The following KLRG2 variants were observed in gnomAD, a reference collection of about 807,000 sequenced individuals.
KLRG2 encodes killer cell lectin-like receptor subfamily G member 2.
A neutral mutation model predicts 35.4 loss-of-function variants in KLRG2; 39 were observed. That is an observed-to-expected ratio of 1.10 (90% CI 0.85 to 1.44). The LOEUF is 1.44. Among genes scored for constraint, KLRG2 ranks in the 40% most tolerant of loss-of-function variants. The probability of loss-of-function intolerance (pLI) is 0.00; values close to 1 mark genes in which losing one functional copy is unlikely to be tolerated. For synonymous variants in KLRG2, 283 were observed against 265.8 expected (o/e 1.06, Z -0.63); for missense variants, 632 against 570.9 (o/e 1.11, Z -1.09).
intron 3 of KLRG2, among the ~76,000 whole-genome samples, chr7:139,471,015 GT>G (rs879491146): frequency 5.0e-4 from 69 of 138,954 alleles, no homozygotes; most frequent in Admixed American, 7.2e-4. Context: ...GATAATTTTT[GT>G]TTTTTTTTTT....
chr7:139,466,175 C>A lies in KLRG2; in HGVS notation c.1006-11961G>T, dbSNP rs1357333471. On this transcript the variant is annotated intron_variant, in intron 3 of 4. Coordinates refer to ENST00000340940, the MANE Select transcript of KLRG2 (RefSeq NM_198508.4). The stretch of plus-strand genomic sequence containing the variant: ...CCTACACATCAAGCTCGGGGATTTG[C>A]CCCCTGCCCAGGACTGGCAAATTGA... 2.0e-5 allele frequency among the ~76,000 whole-genome samples: 3 copies of A among 152,290 alleles called. No homozygotes were observed. In the East Asian group the frequency reaches 5.8e-4, roughly 29 times the overall value.
chr7:139,453,356 T>C lies in KLRG2; in HGVS notation c.*231A>G, dbSNP rs1796402204. On this transcript the variant is annotated 3_prime_UTR_variant, in exon 5 of 5. Coordinates refer to ENST00000340940, the MANE Select transcript of KLRG2 (RefSeq NM_198508.4). ...CATCAAACCGATCATCCACAGAAGCTGGAGACTAATATTGGCACTCAGGCC... is the reference window on the plus strand; with the variant it reads ...CATCAAACCGATCATCCACAGAAGCCGGAGACTAATATTGGCACTCAGGCC... 1.8e-6 allele frequency: 1 copy of C among 541,328 alleles called. No individual in the cohort carries two copies. Among genetic ancestry groups the C allele is most frequent in the Admixed American group, 3.7e-5 (1 of 27,112 alleles). The allele number at this position is 541,328 out of a possible 1,614,324, so 33.5% of individuals were successfully genotyped here.
At chr7:139,432,526 TG>T in the KLRG2 span, among the ~76,000 whole-genome samples, 154 of 147,438 alleles carry the variant, frequency 1.0e-3, no homozygotes, top group African/African-American at 3.8e-3. Context: ...TCGGTATCTA[TG>T]GGGGATTGAT....
At chr7:139,443,416 G>A in the KLRG2 span, among the ~76,000 whole-genome samples, 4 of 152,090 alleles carry the variant, frequency 2.6e-5, no homozygotes, top group East Asian at 1.9e-4. Context: ...ATAAAATAAG[G>A]CAAGAGGGCT....
At chr7:139,474,287 A>G (rs898917167) in intron 3 of KLRG2, among the ~76,000 whole-genome samples, 1 of 152,036 alleles carries the variant, frequency 6.6e-6, no homozygotes, top group Non-Finnish European at 1.5e-5. Context: ...TGGCCTCCCA[A>G]TGTGCTGGGA....
the KLRG2 span, among the ~76,000 whole-genome samples, chr7:139,435,763 A>C: frequency 1.3e-5 from 2 of 152,222 alleles, no homozygotes; most frequent in South Asian, 4.1e-4. Flanking sequence ...TGCTGTGTGC[A>C]TCAGCACATC....
At chr7:139,473,290 A>T (rs1796791977) in intron 3 of KLRG2, among the ~76,000 whole-genome samples, 1 of 152,170 alleles carries the variant, frequency 6.6e-6, no homozygotes, top group Admixed American at 6.6e-5. Context: ...AAAATAAAAT[A>T]AAATAAAGAT....
chr7:139,427,181 C>T, the KLRG2 span, among the ~76,000 whole-genome samples: 2 of 151,962 alleles, frequency 1.3e-5, no homozygotes, highest in African/African-American at 2.4e-5. Context: ...GGGCAGAGGC[C>T]GAGTAGGGGA....
intron 3 of KLRG2, among the ~76,000 whole-genome samples, chr7:139,466,563 C>T (rs1273448559): frequency 6.6e-6 from 1 of 152,012 alleles, no homozygotes; most frequent in Admixed American, 6.6e-5. Flanking sequence ...TTTATACTCA[C>T]TCTTACTCTT....
the KLRG2 span, among the ~76,000 whole-genome samples, chr7:139,433,693 C>T: frequency 1.4e-5 from 2 of 141,268 alleles, no homozygotes; most frequent in East Asian, 2.2e-4. Context: ...GTGGCACATT[C>T]TCGCCTCACT....
the KLRG2 span, among the ~76,000 whole-genome samples, chr7:139,435,731 C>T: frequency 6.6e-6 from 1 of 152,302 alleles, no homozygotes; most frequent in East Asian, 1.9e-4. Flanking sequence ...TCCCTTAACA[C>T]GATGCTGCTG....
chr7:139,480,295 A>C (rs749444921), intron 1 of KLRG2, 48 bp from the exon 2 acceptor site: 4 of 1,038,386 alleles, frequency 3.9e-6, no homozygotes, highest in Non-Finnish European at 6.1e-6. Context: ...GACCATCCCA[A>C]CCAACCCAAC....
At chr7:139,434,362 A>G in the KLRG2 span, among the ~76,000 whole-genome samples, 10 of 151,932 alleles carry the variant, frequency 6.6e-5, no homozygotes, top group African/African-American at 2.4e-4. Flanking sequence ...CTTACTCCCA[A>G]CCAGTGACAC....
At chr7:139,465,294 C>T (rs568010215) in intron 3 of KLRG2, among the ~76,000 whole-genome samples, 2 of 152,308 alleles carry the variant, frequency 1.3e-5, no homozygotes, top group South Asian at 2.1e-4. Context: ...TCCTGCACCA[C>T]CATGCTGTTA....
At chr7:139,449,624 T>C (rs1394631241), downstream of KLRG2, among the ~76,000 whole-genome samples, 2 of 151,760 alleles carry the variant, frequency 1.3e-5, no homozygotes, top group Admixed American at 1.3e-4. Context: ...TTTTTTGTAA[T>C]AACACTTAGC....
the KLRG2 span, among the ~76,000 whole-genome samples, chr7:139,439,464 C>G: frequency 1.3e-5 from 2 of 151,980 alleles, no homozygotes; most frequent in Non-Finnish European, 2.9e-5. Context: ...CAGTTAGAGG[C>G]GAGGTTTGAA....
chr7:139,435,077 C>T, the KLRG2 span, among the ~76,000 whole-genome samples: 7 of 152,224 alleles, frequency 4.6e-5, no homozygotes, highest in South Asian at 1.5e-3. Flanking sequence ...ACCCCAGGAC[C>T]TACTACTTTA....
At chr7:139,455,207 AG>A (rs1796450215) in intron 3 of KLRG2, among the ~76,000 whole-genome samples, 2 of 151,950 alleles carry the variant, frequency 1.3e-5, no homozygotes, top group South Asian at 4.2e-4. Flanking sequence ...TTAGTAGGGA[AG>A]GGTTTTGCCG....
chr7:139,431,219 A>G, the KLRG2 span, among the ~76,000 whole-genome samples: 1 of 152,162 alleles, frequency 6.6e-6, no homozygotes, highest in Non-Finnish European at 1.5e-5. Flanking sequence ...GTTTCTAGGG[A>G]CAGAAAGCAG....
Sources: allele counts gnomAD v4.1 joint callset (sites outside exome capture counted in the v4.1 genomes callset), GRCh38; gene constraint gnomAD v4.1.1; transcripts MANE v1.5; gene names NCBI Gene and HGNC (gene_info 2026-07-23, HGNC 2026-07-21).